The following KLF15 variants were observed in gnomAD, a reference collection of about 807,000 sequenced individuals.
KLF15 encodes the protein KLF transcription factor 15.
A neutral mutation model predicts 24.6 loss-of-function variants in KLF15; 4 were observed. The observed-to-expected ratio is 0.16, with a 90% CI of 0.08 to 0.37. The LOEUF is 0.37. Ranked by LOEUF, KLF15 falls within the 10% of genes least tolerant of loss-of-function variation. The pLI is 1.00. For synonymous variants in KLF15, 246 were observed against 236.3 expected, an observed-to-expected ratio of 1.04 and a Z score of -0.37; for missense variants, 496 against 560.6, an observed-to-expected ratio of 0.88 and a Z score of 1.16.
intron 2 of KLF15, 137 bp downstream of exon 2, chr3:126,351,704 G>A: frequency 9.3e-7 from 1 of 1,080,836 alleles, no homozygotes; most frequent in East Asian, 2.7e-5. Context: ...CCAGCTCTGG[G>A]CCTGCACCCG....
the KLF15 span, among the ~76,000 whole-genome samples, chr3:126,299,034 T>G: frequency 6.6e-6 from 1 of 152,216 alleles, no homozygotes; most frequent in African/African-American, 2.4e-5. Flanking sequence ...GGAATTGCAT[T>G]AAATCTGTAG....
chr3:126,346,383 C>A (rs1193053118), intron 2 of KLF15, among the ~76,000 whole-genome samples: 4 of 152,160 alleles, frequency 2.6e-5, no homozygotes, highest in Non-Finnish European at 4.4e-5. Flanking sequence ...TTAAAGAGGC[C>A]AAGTCACACA....
At chr3:126,310,121 C>T in the KLF15 span, among the ~76,000 whole-genome samples, 1 of 152,240 alleles carries the variant, frequency 6.6e-6, no homozygotes, top group South Asian at 2.1e-4. Flanking sequence ...CCACCCCCTC[C>T]ATCAGGCCTG....
At chr3:126,305,329 G>T in the KLF15 span, among the ~76,000 whole-genome samples, 1 of 152,166 alleles carries the variant, frequency 6.6e-6, no homozygotes, top group Non-Finnish European at 1.5e-5. Context: ...GAGTCTCCCA[G>T]TTGGCCCATT....
At chr3:126,345,601 G>GCA (rs574272481) in intron 2 of KLF15, among the ~76,000 whole-genome samples, 192 of 149,296 alleles carry the variant, frequency 1.3e-3, no homozygotes, top group East Asian at 3.5e-3. Context: ...ATGTACTCAC[G>GCA]CACACACACA....
the KLF15 span, among the ~76,000 whole-genome samples, chr3:126,318,139 G>A: frequency 2.6e-5 from 4 of 152,008 alleles, no homozygotes; most frequent in African/African-American, 9.7e-5. Context: ...CTTGCACTTG[G>A]TCCTTTCCCC....
the KLF15 span, among the ~76,000 whole-genome samples, chr3:126,323,423 A>G: frequency 6.8e-4 from 20 of 29,300 alleles, 1 homozygote; most frequent in African/African-American, 2.0e-3. Context: ...ATATATATAT[A>G]TATATATATA....
the KLF15 span, among the ~76,000 whole-genome samples, chr3:126,328,301 A>G: frequency 6.6e-6 from 1 of 152,130 alleles, no homozygotes; most frequent in South Asian, 2.1e-4. Flanking sequence ...TCATATATAT[A>G]TATACCACAG....
At position 126,352,408 on chromosome 3, in the gene KLF15, T is replaced by G; in HGVS notation, c.515A>C (p.Gln172Pro). ...GNSKDLDACS[Q>P]LSAGPHKSHL... ...GCTCTTGTGTGGCCCAGCTGAGAGCTGGCTGCAGGCATCCAAGTCCTTGCT... is the reference window on the plus strand; with the variant it reads ...GCTCTTGTGTGGCCCAGCTGAGAGCGGGCTGCAGGCATCCAAGTCCTTGCT... The change falls in exon 2 of 3, where the codon CAG (glutamine) becomes CCG (proline). Residue 172 changes from glutamine to proline, a missense_variant. Transcript: ENST00000296233. 1 of 1,613,450 alleles carries G rather than the reference T, an allele frequency of 6.2e-7. No individual in the cohort carries two copies. The highest frequency in any genetic ancestry group is 8.5e-7 in the Non-Finnish European group (1 of 1,179,890).
chr3:126,351,829 C>G lies in KLF15; in HGVS notation c.1082+12G>C. On this transcript the variant is annotated intron_variant, in intron 2 of 2. Coordinates refer to ENST00000296233, the MANE Select transcript of KLF15 (RefSeq NM_014079.4). ...GTGCTCACTGCCCAGGCCTGTCACT[C>G]GCTATACTGACCTCCAGCCGCAGCC... The G allele has an allele frequency of 1.2e-6, 2 of 1,607,770 alleles. No homozygotes were observed. Among genetic ancestry groups the G allele is most frequent in the Non-Finnish European group, 1.7e-6 (2 of 1,177,326 alleles).
the KLF15 span, among the ~76,000 whole-genome samples, chr3:126,323,872 C>T: frequency 1.3e-5 from 2 of 151,914 alleles, no homozygotes; most frequent in Non-Finnish European, 2.9e-5. Flanking sequence ...CTTCCAGCTT[C>T]TCCATGTTCC....
the KLF15 span, chr3:126,288,421 GATCAAGTCAAGGCAGTT>G: frequency 6.6e-6 from 1 of 152,256 alleles, no homozygotes; most frequent in African/African-American, 2.4e-5. Flanking sequence ...AAAAAAACCA[GATCAAGTCAAGGCAGTT>G]ATTTGCTGTG....
chr3:126,327,380 C>T, the KLF15 span, among the ~76,000 whole-genome samples: 4 of 152,128 alleles, frequency 2.6e-5, no homozygotes, highest in East Asian at 1.9e-4. Flanking sequence ...ATGATCAGAC[C>T]GACTTTAACT....
At chr3:126,320,197 C>T in the KLF15 span, among the ~76,000 whole-genome samples, 1 of 152,120 alleles carries the variant, frequency 6.6e-6, no homozygotes, top group African/African-American at 2.4e-5. Flanking sequence ...TTTGGAGGGG[C>T]AGGACAGGGT....
the KLF15 span, among the ~76,000 whole-genome samples, chr3:126,318,873 G>C: frequency 1.3e-5 from 2 of 152,182 alleles, no homozygotes; most frequent in African/African-American, 4.8e-5. Flanking sequence ...TGTACATTCT[G>C]TGGGTTTTGA....
the KLF15 span, among the ~76,000 whole-genome samples, chr3:126,308,294 C>A: frequency 6.6e-6 from 1 of 152,228 alleles, no homozygotes; most frequent in South Asian, 2.1e-4. Flanking sequence ...GGAAAGCTGG[C>A]GGCCTTGCAG....
At chr3:126,331,735 C>G in the KLF15 span, among the ~76,000 whole-genome samples, 155 of 152,322 alleles carry the variant, frequency 1.0e-3, no homozygotes, top group Middle Eastern at 6.8e-3. Context: ...GAGTGCCAGA[C>G]AGTGGGCGCA....
At chr3:126,316,885 C>A in the KLF15 span, among the ~76,000 whole-genome samples, 1 of 152,098 alleles carries the variant, frequency 6.6e-6, no homozygotes, top group African/African-American at 2.4e-5. Flanking sequence ...ACCAGCGAGC[C>A]CTCAGGAAGG....
the KLF15 span, among the ~76,000 whole-genome samples, chr3:126,304,882 C>T: frequency 6.6e-6 from 1 of 152,226 alleles, no homozygotes; most frequent in African/African-American, 2.4e-5. Flanking sequence ...TTAATGTTTA[C>T]TCATGCAACA....
Sources: allele counts gnomAD v4.1 joint callset (sites outside exome capture counted in the v4.1 genomes callset), GRCh38; gene constraint gnomAD v4.1.1; transcripts MANE v1.5; gene names NCBI Gene and HGNC (gene_info 2026-07-23, HGNC 2026-07-21).